Variants in PACRG observed in about 807,000 individuals in gnomAD.
The protein encoded by PACRG is parkin coregulated gene protein.
A neutral mutation model predicts 29.7 loss-of-function variants in PACRG; 29 were observed. That is an observed-to-expected ratio of 0.98 (90% CI 0.73 to 1.33). PACRG has a LOEUF of 1.33. PACRG is among the 40% of genes most tolerant of loss of function. The pLI, the probability that PACRG is intolerant of heterozygous loss-of-function variation, is 0.00. For missense variants in PACRG, 279 were observed against 316.2 expected (o/e 0.88, Z 0.89); for synonymous variants, 116 against 118.7 (o/e 0.98, Z 0.15).
At chr6:163,165,256 G>C (rs1183811024) in intron 4 of PACRG, among the ~76,000 whole-genome samples, 1 of 152,258 alleles carries the variant, frequency 6.6e-6, no homozygotes, top group Non-Finnish European at 1.5e-5. Context: ...GAACAGCATA[G>C]CAGAGGCACC....
chr6:163,124,018 G>A (rs373163560), intron 4 of PACRG, among the ~76,000 whole-genome samples: 2 of 152,260 alleles, frequency 1.3e-5, no homozygotes, highest in African/African-American at 4.8e-5. Flanking sequence ...AAGATTGCCT[G>A]CTTATATGGT....
intron 4 of PACRG, among the ~76,000 whole-genome samples, chr6:163,167,898 G>C (rs1778888292): frequency 6.6e-6 from 1 of 152,196 alleles, no homozygotes; most frequent in Admixed American, 6.5e-5. Flanking sequence ...GCACACAAAA[G>C]TGAACTGCTG....
At chr6:163,054,823 G>A (rs1585104926) in intron 2 of PACRG, among the ~76,000 whole-genome samples, 1 of 152,110 alleles carries the variant, frequency 6.6e-6, no homozygotes, top group African/African-American at 2.4e-5. Flanking sequence ...CAAATGGTGT[G>A]AACCTGTGTG....
chr6:163,129,422 C>T (rs142637164), intron 4 of PACRG, among the ~76,000 whole-genome samples: 5 of 152,312 alleles, frequency 3.3e-5, no homozygotes, highest in African/African-American at 9.6e-5. Context: ...AGGTGAGAGA[C>T]GAAGGAATGA....
At chr6:162,973,118 G>A (rs1431812985) in intron 2 of PACRG, among the ~76,000 whole-genome samples, 1 of 152,210 alleles carries the variant, frequency 6.6e-6, no homozygotes, top group Non-Finnish European at 1.5e-5. Context: ...GTACGGTAAA[G>A]TGATGCTGAT....
At chr6:163,039,565 T>C (rs1241516420) in intron 2 of PACRG, among the ~76,000 whole-genome samples, 2 of 152,146 alleles carry the variant, frequency 1.3e-5, no homozygotes, top group Non-Finnish European at 2.9e-5. Context: ...ATATGGACAA[T>C]GAAGTCCAGG....
Position 162,728,100 on chromosome 6 carries a change from C to T in PACRG, c.-136C>T. 2 of 1,068,532 alleles carry T rather than the reference C, an allele frequency of 1.9e-6. No homozygotes were observed. Among genetic ancestry groups the T allele is most frequent in the Non-Finnish European group, 2.7e-6 (2 of 734,118 alleles). The allele number at this position is 1,068,532 out of a possible 1,614,324, so 66.2% of individuals were successfully genotyped here. ...GGAGCTGCCAAACATCTGGATCAACCTGGGCACTACGAGGGGTTGAATTTC... is the reference window on the plus strand; with the variant it reads ...GGAGCTGCCAAACATCTGGATCAACTTGGGCACTACGAGGGGTTGAATTTC... On this transcript the variant is annotated 5_prime_UTR_variant, in exon 1 of 5. Coordinates refer to ENST00000366888, the MANE Select transcript of PACRG (RefSeq NM_001080379.2).
At chr6:162,776,215 CAA>C (rs998521801) in intron 1 of PACRG, among the ~76,000 whole-genome samples, 4 of 152,172 alleles carry the variant, frequency 2.6e-5, no homozygotes, top group Non-Finnish European at 5.9e-5. Context: ...CTGTGGAAAA[CAA>C]AGACAGATGA....
intron 4 of PACRG, among the ~76,000 whole-genome samples, chr6:163,186,719 A>C (rs568288049): frequency 6.6e-6 from 1 of 152,150 alleles, no homozygotes; most frequent in Admixed American, 6.5e-5. Flanking sequence ...ACAGACTAAA[A>C]CATGAGGCTG....
At chr6:162,964,980 G>A (rs993370699) in intron 2 of PACRG, among the ~76,000 whole-genome samples, 4 of 152,218 alleles carry the variant, frequency 2.6e-5, no homozygotes, top group African/African-American at 9.6e-5. Flanking sequence ...TCTAGAGAGT[G>A]TGATGTAGGA....
chr6:162,877,016 A>G (rs1385110593), intron 2 of PACRG, among the ~76,000 whole-genome samples: 1 of 152,176 alleles, frequency 6.6e-6, no homozygotes, highest in African/African-American at 2.4e-5. Flanking sequence ...ACTGTGGTGA[A>G]AGACAGTGTG....
At chr6:163,258,145 C>T (rs187496174) in intron 4 of PACRG, among the ~76,000 whole-genome samples, 1 of 152,084 alleles carries the variant, frequency 6.6e-6, no homozygotes, top group African/African-American at 2.4e-5. Flanking sequence ...CCATTAAGCA[C>T]AATATGGGCT....
chr6:162,780,726 T>C (rs768708855), intron 1 of PACRG, among the ~76,000 whole-genome samples: 1 of 152,020 alleles, frequency 6.6e-6, no homozygotes, highest in Non-Finnish European at 1.5e-5. Flanking sequence ...TCCAAATCAA[T>C]TTTTAGAGTT....
intron 2 of PACRG, among the ~76,000 whole-genome samples, chr6:162,894,668 A>G (rs1179042138): frequency 1.3e-5 from 2 of 152,222 alleles, no homozygotes; most frequent in Non-Finnish European, 2.9e-5. Context: ...TTTTAAAAAA[A>G]TGGTAGAGCC....
chr6:163,099,396 T>C (rs905859597), intron 4 of PACRG, among the ~76,000 whole-genome samples: 1 of 152,240 alleles, frequency 6.6e-6, no homozygotes, highest in Non-Finnish European at 1.5e-5. Context: ...TGAGCAGGCA[T>C]GCACATATTC....
intron 2 of PACRG, among the ~76,000 whole-genome samples, chr6:163,035,235 G>A (rs149249514): frequency 4.5e-4 from 69 of 152,252 alleles, no homozygotes; most frequent in East Asian, 2.5e-3. Context: ...TAACTGGGCC[G>A]GGCACAGTGG....
At chr6:163,095,584 C>T (rs2128307913) in intron 4 of PACRG, 1 of 356,210 alleles carries the variant, frequency 2.8e-6, no homozygotes, top group East Asian at 1.7e-4. Context: ...GGGGAAGCCT[C>T]CTTCCTGCTG....
intron 2 of PACRG, among the ~76,000 whole-genome samples, chr6:162,905,491 G>A (rs946715846): frequency 1.3e-5 from 2 of 152,108 alleles, no homozygotes; most frequent in East Asian, 1.9e-4. Flanking sequence ...CCCGCAGCTC[G>A]TCTAATTCCA....
intron 2 of PACRG, among the ~76,000 whole-genome samples, chr6:162,838,340 CT>C (rs1789426247): frequency 6.6e-6 from 1 of 152,144 alleles, no homozygotes; most frequent in African/African-American, 2.4e-5. Flanking sequence ...CTCCTGTATC[CT>C]TTTCCCATAC....
Sources: allele counts gnomAD v4.1 joint callset (sites outside exome capture counted in the v4.1 genomes callset), GRCh38; gene constraint gnomAD v4.1.1; transcripts MANE v1.5; gene names NCBI Gene and HGNC (gene_info 2026-07-23, HGNC 2026-07-21).